UNC13C: variants seen among roughly 807,000 people sequenced by gnomAD.
UNC13C encodes unc-13 homolog C, also known as protein unc-13 homolog C.
Under a neutral mutation model 245.4 loss-of-function variants are expected in UNC13C, and 174 were observed. That is an observed-to-expected ratio of 0.71 (90% confidence interval 0.63 to 0.80). The LOEUF (loss-of-function observed/expected upper bound fraction) is 0.80. Ranked by LOEUF, UNC13C falls within the 30% of genes least tolerant of loss-of-function variation. The pLI is 0.00. For synonymous variants in UNC13C, 992 were observed against 895.1 expected (o/e 1.11, Z -1.93); for missense variants, 2,829 against 2,602.9 (o/e 1.09, Z -1.89).
chr15:54,132,303 C>G (rs2031481982), intron 2 of UNC13C, among the ~76,000 whole-genome samples: 1 of 152,082 alleles, frequency 6.6e-6, no homozygotes, highest in Non-Finnish European at 1.5e-5. Context: ...ATCTCCTGAC[C>G]TCGTGATCTG....
chr15:54,323,965 T>C (rs1170226035), intron 14 of UNC13C, among the ~76,000 whole-genome samples: 1 of 152,054 alleles, frequency 6.6e-6, no homozygotes, highest in Non-Finnish European at 1.5e-5. Context: ...CATGCTCCTT[T>C]ACTTCATGTT....
chr15:54,233,595 A>C (rs1395695282), intron 4 of UNC13C, among the ~76,000 whole-genome samples: 1 of 152,146 alleles, frequency 6.6e-6, no homozygotes, highest in Non-Finnish European at 1.5e-5. Flanking sequence ...TGACACATTT[A>C]GTTACTTGTT....
chr15:54,612,736 A>C (rs1900185703), intron 30 of UNC13C, among the ~76,000 whole-genome samples: 1 of 151,980 alleles, frequency 6.6e-6, no homozygotes, highest in East Asian at 1.9e-4. Flanking sequence ...TATTTTTGAA[A>C]AATCACATTT....
At chr15:54,454,923 TA>T (rs1891393052) in intron 19 of UNC13C, among the ~76,000 whole-genome samples, 1 of 151,270 alleles carries the variant, frequency 6.6e-6, no homozygotes, top group African/African-American at 2.4e-5. Context: ...ATCACGTCAG[TA>T]GTATACACTA....
chr15:54,604,676 G>A (rs997255232), intron 30 of UNC13C, among the ~76,000 whole-genome samples: 5 of 152,140 alleles, frequency 3.3e-5, no homozygotes, highest in African/African-American at 1.2e-4. Context: ...CTTTATTTCT[G>A]GTGGGATAAT....
chr15:54,613,716 T>G (rs1228488011), intron 30 of UNC13C, among the ~76,000 whole-genome samples: 1 of 152,010 alleles, frequency 6.6e-6, no homozygotes. Context: ...CATGATAAAA[T>G]GCCAGGCTTA....
At chr15:53,899,126 A>T in the UNC13C span, among the ~76,000 whole-genome samples, 1 of 152,168 alleles carries the variant, frequency 6.6e-6, no homozygotes, top group African/African-American at 2.4e-5. Context: ...TGATTATTTT[A>T]ACACCATCAG....
chr15:53,935,448 G>A, the UNC13C span, among the ~76,000 whole-genome samples: 1 of 152,102 alleles, frequency 6.6e-6, no homozygotes, highest in Admixed American at 6.6e-5. Flanking sequence ...GAAATGTATA[G>A]AATAAAAATA....
At chr15:54,416,713 T>G (rs76778437) in intron 19 of UNC13C, among the ~76,000 whole-genome samples, 1 of 152,144 alleles carries the variant, frequency 6.6e-6, no homozygotes, top group Non-Finnish European at 1.5e-5. Context: ...CCCACCCTAC[T>G]TGAAAGTCTA....
At chr15:54,228,121 C>G (rs1001796975) in intron 4 of UNC13C, among the ~76,000 whole-genome samples, 8 of 152,148 alleles carry the variant, frequency 5.3e-5, no homozygotes, top group Non-Finnish European at 1.0e-4. Context: ...GTGTCTCTCC[C>G]CATAGTCACC....
chr15:54,247,927 G>T (rs963543563), intron 7 of UNC13C, among the ~76,000 whole-genome samples: 3 of 152,000 alleles, frequency 2.0e-5, no homozygotes, highest in Non-Finnish European at 4.4e-5. Context: ...TTTTAGCAGA[G>T]TTACTTATTT....
Position 53,997,688 on chromosome 15 carries a change from CTTCTA to C in UNC13C, c.-256-14956_-256-14952del, listed in dbSNP as rs563781521. ...ACACATGTGTCTATTTCTGGACTTT[CTTCTA>C]TTCCAATTATTTCTTTTCTCTAGTT... On this transcript the variant is annotated intron_variant, in intron 1 of 32. Transcript: ENST00000260323. Among the ~76,000 whole-genome samples the C allele has an allele frequency of 8.7e-3, 1,320 of 152,100 alleles. 8 individuals are homozygous for C. Among genetic ancestry groups the C allele is most frequent in the Non-Finnish European group, 0.014 (973 of 67,970 alleles).
At chr15:54,623,757 CAT>C in intron 31 of UNC13C, 36 bp from the exon 32 acceptor site, 1 of 1,575,482 alleles carries the variant, frequency 6.3e-7, no homozygotes, top group Non-Finnish European at 8.6e-7. Context: ...AATTTCCACA[CAT>C]CTGTTTGCTA....
At chr15:54,157,570 T>C (rs2414267) in intron 4 of UNC13C, among the ~76,000 whole-genome samples, 141,307 of 152,210 alleles carry the variant, frequency 0.93, 66,420 homozygotes, top group Non-Finnish European at 1. Flanking sequence ...CAGGAAAGCC[T>C]TGAGCAAACC....
At chr15:54,546,123 G>A (rs1896471907) in intron 26 of UNC13C, among the ~76,000 whole-genome samples, 1 of 152,128 alleles carries the variant, frequency 6.6e-6, no homozygotes, top group Non-Finnish European at 1.5e-5. Flanking sequence ...TATACACCAT[G>A]GAATACCATG....
intron 2 of UNC13C, among the ~76,000 whole-genome samples, chr15:54,088,643 G>C (rs556830528): frequency 4.6e-5 from 7 of 152,246 alleles, no homozygotes; most frequent in African/African-American, 1.4e-4. Context: ...TCTCTACACT[G>C]TTCCCCTGAG....
chr15:53,958,828 C>A, the UNC13C span, among the ~76,000 whole-genome samples: 3,721 of 152,182 alleles, frequency 0.024, 174 homozygotes, highest in African/African-American at 0.085. Flanking sequence ...TCTTGTAGCT[C>A]TTTTCAAATA....
the UNC13C span, among the ~76,000 whole-genome samples, chr15:53,960,207 T>A: frequency 0.41 from 63,040 of 151,950 alleles, 13,383 homozygotes; most frequent in Middle Eastern, 0.49. Context: ...ACAGGCAATA[T>A]GTAACCTAAG....
intron 10 of UNC13C, among the ~76,000 whole-genome samples, chr15:54,271,451 C>T (rs74013590): frequency 0.028 from 4,188 of 152,212 alleles, 212 homozygotes; most frequent in African/African-American, 0.098. Context: ...AAACCATTCC[C>T]TCAGGAGGAA....
Sources: gnomAD v4.1 joint callset for allele counts (sites outside exome capture counted in the v4.1 genomes callset) on GRCh38, gnomAD v4.1.1 for gene constraint, MANE v1.5 for transcripts, NCBI Gene and HGNC (gene_info 2026-07-23, HGNC 2026-07-21) for gene names.